RPTOR: variants seen among roughly 807,000 people sequenced by gnomAD.
The protein encoded by RPTOR is regulatory-associated protein of mTOR.
In RPTOR, 21 loss-of-function variants were observed where a neutral mutation model predicts 169.9. That is an observed-to-expected ratio of 0.12 (90% CI 0.09 to 0.18). The LOEUF (loss-of-function observed/expected upper bound fraction) is 0.18. RPTOR is among the 10% of genes least tolerant of loss of function. RPTOR has a pLI of 1.00. For missense variants in RPTOR, 1,133 were observed against 1,855.9 expected, an observed-to-expected ratio of 0.61 and a Z score of 7.16; for synonymous variants, 732 against 753.2, an observed-to-expected ratio of 0.97 and a Z score of 0.46.
chr17:80,838,472 C>T (rs371386023), intron 10 of RPTOR, among the ~76,000 whole-genome samples: 14 of 152,330 alleles, frequency 9.2e-5, no homozygotes, highest in African/African-American at 3.1e-4. Flanking sequence ...GTTTAGTCGC[C>T]GCACCTGCAA....
At chr17:80,672,798 A>C (rs761627481) in intron 3 of RPTOR, among the ~76,000 whole-genome samples, 17 of 151,682 alleles carry the variant, frequency 1.1e-4, no homozygotes, top group Non-Finnish European at 1.8e-4. Flanking sequence ...TCAAAAAACA[A>C]ACAAACAGAC....
intron 1 of RPTOR, among the ~76,000 whole-genome samples, chr17:80,549,725 C>T (rs535410103): frequency 1.3e-5 from 2 of 152,276 alleles, no homozygotes; most frequent in African/African-American, 2.4e-5. Context: ...GATGGAATGA[C>T]GGGTGCTTGA....
intron 3 of RPTOR, among the ~76,000 whole-genome samples, chr17:80,672,387 A>G (rs1036158606): frequency 9.1e-5 from 13 of 142,726 alleles, no homozygotes; most frequent in African/African-American, 3.5e-4. Context: ...TTTTTTTTTA[A>G]ATGGTTACCT....
chr17:80,549,884 T>C (rs1451663945), intron 1 of RPTOR, among the ~76,000 whole-genome samples: 1 of 152,208 alleles, frequency 6.6e-6, no homozygotes, highest in Non-Finnish European at 1.5e-5. Flanking sequence ...TTTCCATGCA[T>C]GTGTAGGACC....
At chr17:80,795,554 T>C (rs2067092394) in intron 7 of RPTOR, among the ~76,000 whole-genome samples, 1 of 151,844 alleles carries the variant, frequency 6.6e-6, no homozygotes, top group Non-Finnish European at 1.5e-5. Flanking sequence ...GGCTAAATGC[T>C]AAAGGTTTAT....
intron 1 of RPTOR, among the ~76,000 whole-genome samples, chr17:80,588,166 CTT>C (rs71163973): frequency 2.7e-4 from 37 of 138,530 alleles, no homozygotes; most frequent in Non-Finnish European, 2.8e-4. Flanking sequence ...TTTATCCATT[CTT>C]TTTTTTTTTT....
intron 20 of RPTOR, among the ~76,000 whole-genome samples, chr17:80,898,985 G>A (rs1377293596): frequency 1.3e-5 from 2 of 151,982 alleles, no homozygotes; most frequent in Admixed American, 1.3e-4. Context: ...CTGCTGCCTT[G>A]AGCACCTCTG....
chr17:80,760,128 C>A (rs764738433), intron 6 of RPTOR, among the ~76,000 whole-genome samples: 3 of 152,034 alleles, frequency 2.0e-5, no homozygotes, highest in Non-Finnish European at 4.4e-5. Context: ...TGGGAAGGTT[C>A]AGCCTGGCAC....
At chr17:80,940,043 G>A (rs1307049032) in intron 24 of RPTOR, among the ~76,000 whole-genome samples, 3 of 152,182 alleles carry the variant, frequency 2.0e-5, no homozygotes, top group African/African-American at 4.8e-5. Flanking sequence ...ACAACAGCCC[G>A]TGCCTCTGGT....
chr17:80,771,339 G>A lies in RPTOR; in HGVS notation c.830+17154G>A, dbSNP rs138287781. ...TTCCTCACGCTCTCCCTCTGCCAGC[G>A]CTTTCCTCGTCATATACACCTGCAT... On this transcript the variant is annotated intron_variant, in intron 6 of 33. Coordinates refer to ENST00000306801, the MANE Select transcript of RPTOR (RefSeq NM_020761.3). Among the ~76,000 whole-genome samples the A allele has an allele frequency of 3.1e-3, 474 of 152,206 alleles. 2 individuals carry two copies. The highest frequency in any genetic ancestry group is 0.011 in the African/African-American group (453 of 41,518).
At chr17:80,885,193 A>T in intron 17 of RPTOR, 45 bp downstream of exon 17, 1 of 1,539,884 alleles carries the variant, frequency 6.5e-7, no homozygotes, top group Non-Finnish European at 8.8e-7. Context: ...CCCAGGCTGG[A>T]CCCCGTGACA....
intron 6 of RPTOR, among the ~76,000 whole-genome samples, chr17:80,776,333 T>TAGGGA (rs2066891689): frequency 6.8e-6 from 1 of 147,010 alleles, no homozygotes; most frequent in Non-Finnish European, 1.5e-5. Context: ...TTTTTTTTTT[T>TAGGGA]TTTTTTTGAG....
At chr17:80,681,437 C>T (rs927678598) in intron 3 of RPTOR, among the ~76,000 whole-genome samples, 4 of 152,144 alleles carry the variant, frequency 2.6e-5, no homozygotes, top group African/African-American at 9.7e-5. Context: ...CGCTGCTGTC[C>T]CTGGCAGGTG....
rs528622571 is a variant in RPTOR, at chr17:80,557,244, C to T, written c.162+11453C>T. Among the ~76,000 whole-genome samples, 9 of 152,314 alleles carry T rather than the reference C, an allele frequency of 5.9e-5. No individual in the cohort carries two copies. The South Asian group carries it at 1.9e-3, about 32-fold the overall frequency. ...GTGTCCTCCAGTTTCTGACTCTATC[C>T]TCCTCTTATTCAAATGACTTTAAAA... On this transcript the variant is annotated intron_variant, in intron 1 of 33. Transcript: ENST00000306801.
chr17:80,703,584 T>TA (rs917332418), intron 3 of RPTOR, among the ~76,000 whole-genome samples: 3 of 151,300 alleles, frequency 2.0e-5, no homozygotes, highest in African/African-American at 7.3e-5. Context: ...TAGCATCCAT[T>TA]AAAAAAAAAG....
rs143229922 is a variant in RPTOR at position 80,598,623 on chromosome 17, C to T, written c.163-27068C>T. ...GATCTTTTGCGCAGGGTGGTTCTGC[C>T]GCAGTCTGCGAGGCTTCTGGAGGGC... On this transcript the variant is annotated intron_variant, in intron 1 of 33. Coordinates refer to ENST00000306801, the MANE Select transcript of RPTOR (RefSeq NM_020761.3). Among the ~76,000 whole-genome samples the T allele has an allele frequency of 1.4e-4, 21 of 152,290 alleles. No individual in the cohort carries two copies. The East Asian group carries it at 2.7e-3, about 20-fold the overall frequency.
At chr17:80,769,971 TG>T (rs1161005567) in intron 6 of RPTOR, among the ~76,000 whole-genome samples, 1 of 152,188 alleles carries the variant, frequency 6.6e-6, no homozygotes, top group Non-Finnish European at 1.5e-5. Context: ...TCTCCACCCT[TG>T]TCTCAGCCCA....
Position 80,923,483 on chromosome 17 carries a change from A to G in RPTOR, c.2625-7A>G, listed in dbSNP as rs2068772217. On this transcript the variant is annotated splice_region_variant and splice_polypyrimidine_tract_variant and intron_variant, in intron 22 of 33. Coordinates refer to ENST00000306801, the MANE Select transcript of RPTOR (RefSeq NM_020761.3). ...GGATGCAGTGTTTGTTTTTCTTCCA[A>G]TGGCAGGGGCTCCCCTCCGGCGTCC... is the stretch of plus-strand genomic sequence containing the variant. 4 of 1,613,512 alleles carry G rather than the reference A, an allele frequency of 2.5e-6. No homozygotes were observed. The highest frequency in any genetic ancestry group is 2.5e-6 in the Non-Finnish European group (3 of 1,179,898).
chr17:80,815,103 C>T (rs1369202855), intron 7 of RPTOR, among the ~76,000 whole-genome samples: 4 of 152,216 alleles, frequency 2.6e-5, no homozygotes, highest in Admixed American at 1.3e-4. Flanking sequence ...GGTAAACATG[C>T]TTGAGTTACT....
Sources: gnomAD v4.1 joint callset for allele counts (sites outside exome capture counted in the v4.1 genomes callset) on GRCh38, gnomAD v4.1.1 for gene constraint, MANE v1.5 for transcripts, NCBI Gene and HGNC (gene_info 2026-07-23, HGNC 2026-07-21) for gene names.